Variants in PRDM16 observed in about 807,000 individuals in gnomAD.
PRDM16 encodes the protein histone-lysine N-methyltransferase PRDM16.
PRDM16 carries 23 observed loss-of-function variants against 110.6 expected under a neutral mutation model. The ratio of observed to expected loss-of-function variants is 0.21; its 90% CI spans 0.15 to 0.29. The LOEUF (loss-of-function observed/expected upper bound fraction) is 0.29. Among genes scored for constraint, PRDM16 ranks in the 10% least tolerant of loss-of-function variants. PRDM16 has a pLI of 1.00. For synonymous variants in PRDM16, 799 were observed against 781.8 expected (o/e 1.02, Z -0.37); for missense variants, 1,615 against 1,794.3 (o/e 0.90, Z 1.81).
intron 3 of PRDM16, among the ~76,000 whole-genome samples, chr1:3,256,819 T>C (rs1030998927): frequency 3.3e-5 from 5 of 152,110 alleles, no homozygotes; most frequent in Non-Finnish European, 7.3e-5. Context: ...ATGGCACCAC[T>C]GCACTCCAGC....
chr1:3,425,821 C>G lies in PRDM16; in HGVS notation c.3109+71C>G. 3.2e-6 allele frequency: 5 copies of G among 1,577,956 alleles called. No homozygotes were observed. The highest frequency in any genetic ancestry group is 1.1e-5 in the South Asian group (1 of 88,062). ...AGGCCCCACAGAGGGGGAGGGGGAA[C>G]AGCAGGGGAGTGGGCGCCGGGCAGG... On this transcript the variant is annotated intron_variant, in intron 13 of 16. Transcript: ENST00000270722. The surrounding 1 kb of genome is among the most constrained non-coding windows in gnomAD (Gnocchi z 6.9).
At chr1:3,239,817 G>A (rs1421111445) in intron 2 of PRDM16, among the ~76,000 whole-genome samples, 1 of 151,940 alleles carries the variant, frequency 6.6e-6, no homozygotes, top group African/African-American at 2.4e-5. Flanking sequence ...AGACATGGTG[G>A]AGCATGCCTC....
At chr1:3,266,290 G>A (rs895222024) in intron 3 of PRDM16, among the ~76,000 whole-genome samples, 1 of 152,172 alleles carries the variant, frequency 6.6e-6, no homozygotes, top group African/African-American at 2.4e-5. Context: ...GGGCCTGCCT[G>A]GCACAGCCGG....
chr1:3,274,135 G>T (rs1640529695), intron 3 of PRDM16, among the ~76,000 whole-genome samples: 1 of 152,132 alleles, frequency 6.6e-6, no homozygotes, highest in Admixed American at 6.6e-5. Flanking sequence ...ACTTTTCAAA[G>T]CTTCTTTAAT....
intron 2 of PRDM16, among the ~76,000 whole-genome samples, chr1:3,197,431 G>A (rs1638508083): frequency 6.6e-6 from 1 of 152,206 alleles, no homozygotes; most frequent in Admixed American, 6.5e-5. Flanking sequence ...CATCCTAGAG[G>A]AGCGTGCCCC....
chr1:3,129,243 G>T (rs1226437050), intron 1 of PRDM16, among the ~76,000 whole-genome samples: 2 of 149,234 alleles, frequency 1.3e-5, no homozygotes, highest in Non-Finnish European at 3.0e-5. Context: ...TGTGCATGTG[G>T]GTGCGTGTGT....
chr1:3,245,660 A>T lies in PRDM16; in HGVS notation c.438+1523A>T, dbSNP rs1344035129. ...TCCTGCACCCACGTTTGACTGGAGC[A>T]AATGGAGCAAATTCCAGGGCTGGTC... On this transcript the variant is annotated intron_variant, in intron 3 of 16. Transcript: ENST00000270722. This position sits in a 1 kb window ranked among gnomAD's most constrained non-coding sequence, Gnocchi z 4.7. Among the ~76,000 whole-genome samples, 1 of 152,192 alleles carries T rather than the reference A, an allele frequency of 6.6e-6. No individual in the cohort carries two copies. Among genetic ancestry groups the T allele is most frequent in the Non-Finnish European group, 1.5e-5 (1 of 68,032 alleles).
Position 3,175,200 on chromosome 1 carries a change from C to T in PRDM16, c.38-10925C>T, listed in dbSNP as rs2100767030. Among the ~76,000 whole-genome samples the T allele has an allele frequency of 6.6e-6, 1 of 152,334 alleles. No homozygotes were observed. Among genetic ancestry groups the T allele is most frequent in the East Asian group, 1.9e-4 (1 of 5,180 alleles). On this transcript the variant is annotated intron_variant, in intron 1 of 16. Coordinates refer to ENST00000270722, the MANE Select transcript of PRDM16 (RefSeq NM_022114.4). The surrounding 1 kb of genome is among the most constrained non-coding windows in gnomAD (Gnocchi z 4.8). ...GAACAAGATAGAACTCCATCAGTTCCCAAGTTTCTCTTTCTAGCAAACTGT... is the reference window on the plus strand; with the variant it reads ...GAACAAGATAGAACTCCATCAGTTCTCAAGTTTCTCTTTCTAGCAAACTGT...
intron 3 of PRDM16, among the ~76,000 whole-genome samples, chr1:3,378,431 C>A (rs537943751): frequency 6.6e-6 from 1 of 152,284 alleles, no homozygotes; most frequent in South Asian, 2.1e-4. Flanking sequence ...GCTCCCAGAA[C>A]AGGGCTCGGG....
chr1:3,129,299 T>C (rs965492866), intron 1 of PRDM16, among the ~76,000 whole-genome samples: 3 of 147,252 alleles, frequency 2.0e-5, no homozygotes, highest in Non-Finnish European at 3.0e-5. Context: ...TGTGTGCGTG[T>C]CAGTGTCCTG....
At chr1:3,377,609 G>A (rs1643016479) in intron 3 of PRDM16, among the ~76,000 whole-genome samples, 1 of 152,168 alleles carries the variant, frequency 6.6e-6, no homozygotes, top group Admixed American at 6.5e-5. Flanking sequence ...GTTTCCTTTG[G>A]AGGTCCTAGG....
intron 3 of PRDM16, among the ~76,000 whole-genome samples, chr1:3,288,811 G>T (rs561673452): frequency 9.2e-5 from 14 of 152,312 alleles, no homozygotes; most frequent in African/African-American, 3.1e-4. Context: ...CCTGGAAGGG[G>T]CAGGGGCCAA....
intron 3 of PRDM16, among the ~76,000 whole-genome samples, chr1:3,328,062 G>A (rs1218070395): frequency 6.6e-6 from 1 of 152,214 alleles, no homozygotes; most frequent in African/African-American, 2.4e-5. Flanking sequence ...GGGGGACTCG[G>A]GCTGGGGCCT....
intron 1 of PRDM16, among the ~76,000 whole-genome samples, chr1:3,173,024 A>T (rs1644043461): frequency 1.3e-5 from 2 of 152,224 alleles, no homozygotes; most frequent in African/African-American, 4.8e-5. Context: ...TAGTGCTTGG[A>T]GCCAACACCG....
chr1:3,120,324 G>C (rs1476037441), intron 1 of PRDM16, among the ~76,000 whole-genome samples: 1 of 152,174 alleles, frequency 6.6e-6, no homozygotes, highest in African/African-American at 2.4e-5. Context: ...CCAGGGACGT[G>C]TCTGGTACGC....
intron 1 of PRDM16, among the ~76,000 whole-genome samples, chr1:3,093,844 C>T (rs1256649946): frequency 2.0e-5 from 3 of 152,168 alleles, no homozygotes; most frequent in African/African-American, 7.2e-5. Context: ...GGAGGGGGAA[C>T]GTGCGGGGGT....
chr1:3,111,302 C>G (rs1284973748), intron 1 of PRDM16, among the ~76,000 whole-genome samples: 2 of 152,014 alleles, frequency 1.3e-5, no homozygotes, highest in African/African-American at 4.8e-5. Flanking sequence ...CAGCACCGGC[C>G]TCTGTGTGAT....
rs1464681407 is a variant in PRDM16 at position 3,425,456 on chromosome 1, C to T, written c.2940-125C>T. ...GGGAGATCCAGCAACCTCCGGGACACGGCGGGGCAAAGCTGTGCACGGGGC... is the reference window on the plus strand; with the variant it reads ...GGGAGATCCAGCAACCTCCGGGACATGGCGGGGCAAAGCTGTGCACGGGGC... On this transcript the variant is annotated intron_variant, in intron 12 of 16. Coordinates refer to ENST00000270722, the MANE Select transcript of PRDM16 (RefSeq NM_022114.4). This position sits in a 1 kb window ranked among gnomAD's most constrained non-coding sequence, Gnocchi z 6.9. 2.8e-5 allele frequency: 29 copies of T among 1,036,360 alleles called. No individual in the cohort carries two copies. The highest frequency in any genetic ancestry group is 8.0e-5 in the Admixed American group (3 of 37,440). 64.2% of individuals were successfully genotyped at this position (1,036,360 alleles called of 1,614,324 possible).
chr1:3,170,142 A>G (rs1644009188), intron 1 of PRDM16, among the ~76,000 whole-genome samples: 1 of 152,190 alleles, frequency 6.6e-6, no homozygotes, highest in Non-Finnish European at 1.5e-5. Flanking sequence ...GGGAAGGGTT[A>G]AGTTCTTGAT....
Sources: gnomAD v4.1 joint callset for allele counts (sites outside exome capture counted in the v4.1 genomes callset) on GRCh38, gnomAD v4.1.1 for gene constraint, Gnocchi (gnomAD v3.1) non-coding constraint, MANE v1.5 for transcripts, NCBI Gene and HGNC (gene_info 2026-07-23, HGNC 2026-07-21) for gene names.